The following HPSE2 variants were observed in gnomAD, a reference collection of about 807,000 sequenced individuals.
HPSE2 encodes the protein inactive heparanase-2.
Under a neutral mutation model 60.5 loss-of-function variants are expected in HPSE2, and 38 were observed. The observed-to-expected ratio is 0.63, with a 90% CI of 0.48 to 0.82. HPSE2 has a LOEUF of 0.82. Ranked by LOEUF, HPSE2 falls within the 40% of genes least tolerant of loss-of-function variation. The pLI is 0.00. For missense variants in HPSE2, 713 were observed against 740.4 expected, an observed-to-expected ratio of 0.96 and a Z score of 0.43; for synonymous variants, 295 against 293.2, an observed-to-expected ratio of 1.01 and a Z score of -0.06.
intron 3 of HPSE2, among the ~76,000 whole-genome samples, chr10:99,033,356 T>G (rs1285051721): frequency 6.6e-6 from 1 of 152,104 alleles, no homozygotes; most frequent in Non-Finnish European, 1.5e-5. Context: ...ATCCAAAGTA[T>G]GAATAGACAC....
At chr10:98,571,221 C>G (rs1329082050) in intron 9 of HPSE2, among the ~76,000 whole-genome samples, 2 of 152,056 alleles carry the variant, frequency 1.3e-5, no homozygotes, top group East Asian at 3.9e-4. Context: ...AGCATGGGGA[C>G]CTGCCAGGCA....
At chr10:99,276,785 C>G in the HPSE2 span, among the ~76,000 whole-genome samples, 1 of 152,096 alleles carries the variant, frequency 6.6e-6, no homozygotes, top group Non-Finnish European at 1.5e-5. Flanking sequence ...TTTAGTTCTA[C>G]AGAAGTACCC....
At position 98,945,521 on chromosome 10, in the gene HPSE2, A is replaced by C. The variant is rs549220202; in HGVS notation, c.610+198717T>G. On this transcript the variant is annotated intron_variant, in intron 3 of 11. Transcript: ENST00000370552. ...AAATTATGATCCATCAACATAATGA[A>C]ATAATATATTACCATTAGGTTATCA... 2.8e-4 allele frequency among the ~76,000 whole-genome samples: 42 copies of C among 152,278 alleles called. No individual in the cohort carries two copies. In the South Asian group the frequency reaches 8.7e-3, roughly 32 times the overall value.
At chr10:98,855,701 G>A (rs990010642) in intron 3 of HPSE2, among the ~76,000 whole-genome samples, 7 of 152,250 alleles carry the variant, frequency 4.6e-5, no homozygotes, top group Middle Eastern at 3.4e-3. Context: ...CTAAGACCCA[G>A]AGACACAATG....
At chr10:99,100,821 G>C (rs1483998014) in intron 3 of HPSE2, among the ~76,000 whole-genome samples, 1 of 152,198 alleles carries the variant, frequency 6.6e-6, no homozygotes, top group Non-Finnish European at 1.5e-5. Flanking sequence ...AGCCAGAAGA[G>C]AGTAGGGGCC....
rs148623024 is a variant in HPSE2, at chr10:99,167,669, C to CTA, written c.449-23272_449-23271dup. 3.4e-3 allele frequency among the ~76,000 whole-genome samples: 516 copies of CTA among 152,198 alleles called. 3 individuals are homozygous for CTA. Among genetic ancestry groups the CTA allele is most frequent in the African/African-American group, 0.012 (495 of 41,532 alleles). On this transcript the variant is annotated intron_variant, in intron 2 of 11. Coordinates refer to ENST00000370552, the MANE Select transcript of HPSE2 (RefSeq NM_021828.5). ...CCATACTCCCTTGATTATAATGGCT[C>CTA]TATATTGTCTTGTCTTACTTTTATA...
At chr10:99,304,967 T>C in the HPSE2 span, among the ~76,000 whole-genome samples, 1 of 152,238 alleles carries the variant, frequency 6.6e-6, no homozygotes, top group African/African-American at 2.4e-5. Context: ...CTATGAATAC[T>C]TACTATTTAG....
chr10:99,271,862 CA>C, the HPSE2 span, among the ~76,000 whole-genome samples: 2 of 152,148 alleles, frequency 1.3e-5, no homozygotes, highest in Non-Finnish European at 2.9e-5. Flanking sequence ...TGACCTTCAA[CA>C]AAGCAAACAA....
intron 7 of HPSE2, among the ~76,000 whole-genome samples, chr10:98,637,352 A>G (rs556063589): frequency 6.6e-6 from 1 of 152,226 alleles, no homozygotes; most frequent in African/African-American, 2.4e-5. Flanking sequence ...GAAAAAGCAA[A>G]GAACAAGTTG....
intron 3 of HPSE2, among the ~76,000 whole-genome samples, chr10:99,137,061 A>G (rs1589715631): frequency 6.6e-6 from 1 of 152,208 alleles, no homozygotes. Context: ...TACAAAATCA[A>G]TGTGCAAAAA....
intron 3 of HPSE2, among the ~76,000 whole-genome samples, chr10:99,046,185 A>C (rs569834040): frequency 6.6e-6 from 1 of 152,284 alleles, no homozygotes; most frequent in African/African-American, 2.4e-5. Flanking sequence ...ACATATGCAA[A>C]TCAATAAATG....
chr10:98,639,081 A>C (rs1946572825), intron 7 of HPSE2, among the ~76,000 whole-genome samples: 1 of 152,186 alleles, frequency 6.6e-6, no homozygotes, highest in African/African-American at 2.4e-5. Flanking sequence ...ACTTCAATGA[A>C]CAGGATATGG....
chr10:99,100,803 A>C (rs1589655987), intron 3 of HPSE2, among the ~76,000 whole-genome samples: 2 of 152,268 alleles, frequency 1.3e-5, no homozygotes, highest in South Asian at 4.1e-4. Context: ...CTCGTCAGAA[A>C]CTCTACAAGC....
the HPSE2 span, among the ~76,000 whole-genome samples, chr10:99,303,409 C>T: frequency 6.6e-6 from 1 of 152,096 alleles, no homozygotes; most frequent in Non-Finnish European, 1.5e-5. Context: ...TTCTGAAGGC[C>T]CTCCAAGCAT....
chr10:98,913,659 C>G (rs529685058), intron 3 of HPSE2, among the ~76,000 whole-genome samples: 1 of 152,132 alleles, frequency 6.6e-6, no homozygotes, highest in East Asian at 1.9e-4. Flanking sequence ...AAATGAGCAG[C>G]CCAAATGCCA....
intron 3 of HPSE2, among the ~76,000 whole-genome samples, chr10:98,779,288 T>C (rs1393660912): frequency 6.6e-6 from 1 of 152,116 alleles, no homozygotes; most frequent in African/African-American, 2.4e-5. Flanking sequence ...TTTAAATCAC[T>C]CAATCTCTCA....
chr10:98,506,316 C>A (rs1259451606), intron 9 of HPSE2, among the ~76,000 whole-genome samples: 13 of 152,044 alleles, frequency 8.6e-5, no homozygotes, highest in Admixed American at 8.5e-4. Context: ...AGAATTAAGT[C>A]AAAAAACATT....
At chr10:98,547,552 AG>A (rs982848262) in intron 9 of HPSE2, among the ~76,000 whole-genome samples, 1 of 146,824 alleles carries the variant, frequency 6.8e-6, no homozygotes, top group Non-Finnish European at 1.5e-5. Context: ...AACTATCGCA[AG>A]GACAAAAAAC....
intron 3 of HPSE2, among the ~76,000 whole-genome samples, chr10:99,076,671 A>G (rs2135560995): frequency 6.6e-6 from 1 of 152,284 alleles, no homozygotes; most frequent in Middle Eastern, 3.4e-3. Flanking sequence ...TACAGGTGTG[A>G]GCCTCCATGC....
Sources: gnomAD v4.1 joint callset for allele counts (sites outside exome capture counted in the v4.1 genomes callset) on GRCh38, gnomAD v4.1.1 for gene constraint, MANE v1.5 for transcripts, NCBI Gene and HGNC (gene_info 2026-07-23, HGNC 2026-07-21) for gene names.